PCDHGA2: variants seen among roughly 807,000 people sequenced by gnomAD.
The protein encoded by PCDHGA2 is protocadherin gamma-A2.
A neutral mutation model predicts 59.2 loss-of-function variants in PCDHGA2; 40 were observed. That is an observed-to-expected ratio of 0.68 (90% CI 0.52 to 0.88). The LOEUF (loss-of-function observed/expected upper bound fraction) is 0.88. Ranked by LOEUF, PCDHGA2 falls within the 40% of genes least tolerant of loss-of-function variation. The probability of loss-of-function intolerance (pLI) is 0.00; values close to 1 mark genes in which losing one functional copy is unlikely to be tolerated. For missense variants in PCDHGA2, 1,226 were observed against 1,204.0 expected (o/e 1.02, Z -0.27); for synonymous variants, 560 against 526.0 (o/e 1.06, Z -0.89).
At chr5:141,450,982 A>G (rs746572732) in intron 1 of PCDHGA2, among the ~76,000 whole-genome samples, 18 of 151,360 alleles carry the variant, frequency 1.2e-4, no homozygotes, top group Non-Finnish European at 1.9e-4. Context: ...GTGCCACCAC[A>G]CCCGGCTAAT....
chr5:141,465,171 G>T (rs969390966), intron 1 of PCDHGA2, among the ~76,000 whole-genome samples: 1 of 151,728 alleles, frequency 6.6e-6, no homozygotes, highest in Non-Finnish European at 1.5e-5. Flanking sequence ...TGTTTATGAA[G>T]AAATTTAATT....
chr5:141,472,838 T>C (rs1457889821), intron 1 of PCDHGA2, among the ~76,000 whole-genome samples: 1 of 151,464 alleles, frequency 6.6e-6, no homozygotes, highest in Non-Finnish European at 1.5e-5. Context: ...AATAGAAAAT[T>C]AGCTGGGCAT....
At chr5:141,401,610 A>AC (rs1186420148) in intron 1 of PCDHGA2, among the ~76,000 whole-genome samples, 1 of 152,212 alleles carries the variant, frequency 6.6e-6, no homozygotes, top group Non-Finnish European at 1.5e-5. Flanking sequence ...GGAAAAAGAC[A>AC]CCGGATTTGT....
At chr5:141,399,002 C>G in intron 1 of PCDHGA2, 6 of 1,613,830 alleles carry the variant, frequency 3.7e-6, no homozygotes, top group Non-Finnish European at 4.2e-6. Context: ...AGTCTGAATT[C>G]AAAGAGCGGA....
rs994881086 is a variant in PCDHGA2, at chr5:141,417,704, A to C, written c.2424+76309A>C. 1.0e-4 allele frequency: 125 copies of C among 1,207,342 alleles called. 3 individuals are homozygous for C. In the East Asian group the frequency reaches 2.7e-3, roughly 26 times the overall value. The allele number at this position is 1,207,342 out of a possible 1,614,324, so 74.8% of individuals were successfully genotyped here. Reference sequence around the variant, plus strand: ...CAGAAAAGAAAACCAGCTCCCACACAGAGGCTCCCGGCTGCGCAGACCTTG... The same window carrying C: ...CAGAAAAGAAAACCAGCTCCCACACCGAGGCTCCCGGCTGCGCAGACCTTG... On this transcript the variant is annotated intron_variant, in intron 1 of 3. Transcript: ENST00000394576.
intron 1 of PCDHGA2, chr5:141,372,047 G>C (rs1768347911): frequency 1.2e-6 from 2 of 1,613,408 alleles, no homozygotes; most frequent in Non-Finnish European, 1.7e-6. Context: ...TGCGCGTGTT[G>C]GTGGACGACC....
chr5:141,372,354 C>T lies in PCDHGA2; in HGVS notation c.2424+30959C>T. The T allele has an allele frequency of 1.2e-6, 2 of 1,613,946 alleles. No individual in the cohort carries two copies. Among genetic ancestry groups the T allele is most frequent in the Non-Finnish European group, 8.5e-7 (1 of 1,179,902 alleles). On this transcript the variant is annotated intron_variant, in intron 1 of 3. Coordinates refer to ENST00000394576, the MANE Select transcript of PCDHGA2 (RefSeq NM_018915.4). ...TGTGCGTGATGGAGGACAGCAGCCT[C>T]TTTCAGCCACCGTCATGCTGCACCT...
At position 141,371,777 on chromosome 5, in the gene PCDHGA2, A is replaced by G. The variant is rs368442078; in HGVS notation, c.2424+30382A>G. On this transcript the variant is annotated intron_variant, in intron 1 of 3. Coordinates refer to ENST00000394576, the MANE Select transcript of PCDHGA2 (RefSeq NM_018915.4). ...ACCAGGCCTCCTACACCGTGCATGT[A>G]GCTGAGAACAATCCGCCTGGAGCCT... The G allele has an allele frequency of 9.9e-6, 16 of 1,613,872 alleles. No individual in the cohort carries two copies. In the African/African-American group the frequency reaches 1.7e-4, roughly 17 times the overall value.
At chr5:141,346,169 G>A in intron 1 of PCDHGA2, 10 of 1,614,052 alleles carry the variant, frequency 6.2e-6, no homozygotes, top group South Asian at 1.1e-5. Flanking sequence ...TCGTGCTGCT[G>A]GCGCTCAGGC....
intron 1 of PCDHGA2, chr5:141,351,209 G>A (rs764944772): frequency 6.2e-7 from 1 of 1,614,032 alleles, no homozygotes; most frequent in Non-Finnish European, 8.5e-7. Flanking sequence ...GAGTGTGGAA[G>A]CTAAGGATGG....
intron 1 of PCDHGA2, among the ~76,000 whole-genome samples, chr5:141,397,436 G>GT (rs1255719276): frequency 6.6e-6 from 1 of 152,172 alleles, no homozygotes; most frequent in Non-Finnish European, 1.5e-5. Flanking sequence ...TCCCTAATAT[G>GT]TGTAATATAA....
At chr5:141,415,476 G>C in intron 1 of PCDHGA2, 1 of 1,614,194 alleles carries the variant, frequency 6.2e-7, no homozygotes, top group Non-Finnish European at 8.5e-7. Context: ...CCGCGGACTC[G>C]CGAAAGAGTC....
At chr5:141,366,099 A>C in intron 1 of PCDHGA2, 1 of 1,614,210 alleles carries the variant, frequency 6.2e-7, no homozygotes, top group Non-Finnish European at 8.5e-7. Context: ...CTGGTGACCA[A>C]GGTGGTAGCG....
In PCDHGA2 at chr5:141,477,510, A is replaced by G; in HGVS notation, c.2425-17297A>G. On this transcript the variant is annotated intron_variant, in intron 1 of 3. Transcript: ENST00000394576. This position sits in a 1 kb window ranked among gnomAD's most constrained non-coding sequence, Gnocchi z 4.9. ...TCTTCTCAATCTTCCTACGACGTTT[A>G]CATTGAAGAAAACAACCTCCCCGGG... is the stretch of plus-strand genomic sequence containing the variant. 3 of 1,614,172 alleles carry G rather than the reference A, an allele frequency of 1.9e-6. No homozygotes were observed. Among genetic ancestry groups the G allele is most frequent in the Non-Finnish European group, 2.5e-6 (3 of 1,180,018 alleles).
chr5:141,483,736 G>A (rs1296877404), intron 1 of PCDHGA2, among the ~76,000 whole-genome samples: 1 of 152,110 alleles, frequency 6.6e-6, no homozygotes, highest in Non-Finnish European at 1.5e-5. Flanking sequence ...ATAGTCAAAA[G>A]GATATTCCTG....
intron 1 of PCDHGA2, chr5:141,366,006 C>T (rs760966863): frequency 1.5e-5 from 25 of 1,614,122 alleles, no homozygotes; most frequent in African/African-American, 6.7e-5. Flanking sequence ...AACGACAATA[C>T]GCCTGAGATC....
chr5:141,485,118 G>C lies in PCDHGA2; in HGVS notation c.2425-9689G>C, dbSNP rs547390669. 1 of 1,331,536 alleles carries C rather than the reference G, an allele frequency of 7.5e-7. No homozygotes were observed. Among genetic ancestry groups the C allele is most frequent in the East Asian group, 2.3e-5 (1 of 43,534 alleles). The allele number at this position is 1,331,536 out of a possible 1,614,324, so 82.5% of individuals were successfully genotyped here. On this transcript the variant is annotated intron_variant, in intron 1 of 3. Coordinates refer to ENST00000394576, the MANE Select transcript of PCDHGA2 (RefSeq NM_018915.4). The surrounding 1 kb of genome is among the most constrained non-coding windows in gnomAD (Gnocchi z 5.7). ...TCTCCAGCTGCTGTGGCTGTTTGGG[G>C]CGGGTCGGCTTCATCCGCGTCTCAG...
intron 1 of PCDHGA2, chr5:141,385,006 G>T (rs762264055): frequency 1.2e-6 from 2 of 1,614,090 alleles, no homozygotes; most frequent in Admixed American, 3.3e-5. Flanking sequence ...AGTCTCCTGC[G>T]TCTTCCTAGC....
rs757755103 is a variant in PCDHGA2 at position 141,432,638 on chromosome 5, C to A, written c.2425-62169C>A. On this transcript the variant is annotated intron_variant, in intron 1 of 3. Coordinates refer to ENST00000394576, the MANE Select transcript of PCDHGA2 (RefSeq NM_018915.4). The surrounding 1 kb of genome is among the most constrained non-coding windows in gnomAD (Gnocchi z 6.0). ...GGTGGGTCTGCACACGGGCGAGGTG[C>A]GCACGGCGCGAGCCCTGCTGGACAG... The A allele has an allele frequency of 6.2e-6, 10 of 1,613,810 alleles. No homozygotes were observed. Among genetic ancestry groups the A allele is most frequent in the African/African-American group, 1.3e-5 (1 of 75,064 alleles).
Sources: gnomAD v4.1 joint callset for allele counts (sites outside exome capture counted in the v4.1 genomes callset) on GRCh38, gnomAD v4.1.1 for gene constraint, Gnocchi (gnomAD v3.1) non-coding constraint, MANE v1.5 for transcripts, NCBI Gene and HGNC (gene_info 2026-07-23, HGNC 2026-07-21) for gene names.